Variants in TLDC2 observed in about 807,000 individuals in gnomAD.
TLDC2 encodes the protein TBC/LysM-associated domain containing 2.
A neutral mutation model predicts 27.9 loss-of-function variants in TLDC2; 23 were observed. The observed-to-expected ratio is 0.82, with a 90% CI of 0.59 to 1.17. TLDC2 has a LOEUF of 1.17. Among genes scored for constraint, TLDC2 ranks in the 50% most tolerant of loss-of-function variants. TLDC2 has a pLI of 0.00. For missense variants in TLDC2, 286 were observed against 273.4 expected (o/e 1.05, Z -0.32); for synonymous variants, 124 against 107.4 (o/e 1.16, Z -0.96).
intron 4 of TLDC2, among the ~76,000 whole-genome samples, chr20:36,882,112 C>T (rs1989828146): frequency 6.6e-6 from 1 of 152,102 alleles, no homozygotes; most frequent in Non-Finnish European, 1.5e-5. Flanking sequence ...TCAGGTGGCT[C>T]GAGCTGCCCA....
At chr20:36,887,637 G>C (rs1436776928) in intron 5 of TLDC2, 109 bp downstream of exon 5, 1 of 1,023,488 alleles carries the variant, frequency 9.8e-7, no homozygotes. Flanking sequence ...AGGCTAGTGG[G>C]GAACTCTCAG....
At chr20:36,882,691 G>C (rs1684001678) in intron 4 of TLDC2, among the ~76,000 whole-genome samples, 1 of 152,174 alleles carries the variant, frequency 6.6e-6, no homozygotes. Context: ...GGACTGCTTT[G>C]CTAAAGGCAA....
At position 36,879,051 on chromosome 20, in the gene TLDC2, A is replaced by C. The variant is rs1777437560; in HGVS notation, c.200A>C (p.His67Pro). The change falls in exon 3 of 7, where the codon CAC becomes CCC. Residue 67 changes from histidine to proline, a missense_variant. Transcript: ENST00000217320. ...SASEIRQLSF[H>P]FPPRVTGHPW... ...CAACCCTGTCCCCAGCTCAGCTTTCACTTCCCACCAAGAGTCACCGGCCAT... is the reference window on the plus strand; with the variant it reads ...CAACCCTGTCCCCAGCTCAGCTTTCCCTTCCCACCAAGAGTCACCGGCCAT... 1 of 1,613,982 alleles carries C rather than the reference A, an allele frequency of 6.2e-7. No homozygotes were observed. The highest frequency in any genetic ancestry group is 1.3e-5 in the African/African-American group (1 of 74,980).
intron 4 of TLDC2, among the ~76,000 whole-genome samples, chr20:36,886,689 C>A (rs1989929327): frequency 1.3e-5 from 2 of 152,054 alleles, no homozygotes; most frequent in East Asian, 1.9e-4. Flanking sequence ...AAACTCCTGG[C>A]CTCAAGTGAT....
chr20:36,885,535 G>A (rs1989904096), intron 4 of TLDC2, among the ~76,000 whole-genome samples: 1 of 152,114 alleles, frequency 6.6e-6, no homozygotes, highest in Non-Finnish European at 1.5e-5. Flanking sequence ...ACTCCTTCAG[G>A]TCAAAGGTCA....
chr20:36,883,463 G>A (rs1224322624), intron 4 of TLDC2, among the ~76,000 whole-genome samples: 3 of 152,000 alleles, frequency 2.0e-5, no homozygotes, highest in Admixed American at 6.6e-5. Context: ...AGCTTACCAT[G>A]TCCCAAACGG....
chr20:36,888,235 C>A (rs563441041), intron 5 of TLDC2, among the ~76,000 whole-genome samples: 8 of 151,824 alleles, frequency 5.3e-5, no homozygotes, highest in Non-Finnish European at 1.0e-4. Context: ...AAAGAATTGC[C>A]ATTTTGTTTT....
intron 5 of TLDC2, 73 bp downstream of exon 5, chr20:36,887,601 GC>G (rs1014461158): frequency 7.7e-6 from 11 of 1,435,336 alleles, no homozygotes; most frequent in Non-Finnish European, 1.1e-5. Context: ...GAACTGCTGG[GC>G]TAGGCTGCCC....
At chr20:36,889,599 C>A in intron 6 of TLDC2, 196 bp downstream of exon 6, 1 of 544,478 alleles carries the variant, frequency 1.8e-6, no homozygotes, top group South Asian at 2.8e-5. Context: ...TTAAAAGACG[C>A]TTACACCTTA....
chr20:36,889,883 A>G (rs1990018237), intron 6 of TLDC2: 1 of 152,338 alleles, frequency 6.6e-6, no homozygotes, highest in Admixed American at 6.6e-5. Context: ...ATTTTCATGT[A>G]TATCCTTCCA....
Position 36,879,060 on chromosome 20 carries a change from C to A in TLDC2, c.209C>A (p.Pro70Gln), listed in dbSNP as rs771349931. Residue 70 changes from proline (P) to glutamine (Q), a missense_variant, in exon 3 of 7, where the codon CCA becomes CAA. Physicochemically the swap from Pro to Gln is moderately conservative, Grantham distance 76 (BLOSUM62 -1). Coordinates refer to ENST00000217320, the MANE Select transcript of TLDC2 (RefSeq NM_080628.3). The part of the protein sequence containing the change: ...EIRQLSFHFP[P>Q]RVTGHPWSLV... ...CCCCAGCTCAGCTTTCACTTCCCAC[C>A]AAGAGTCACCGGCCATCCCTGGAGT... The A allele has an allele frequency of 1.2e-6, 2 of 1,614,234 alleles. No individual in the cohort carries two copies. The highest frequency in any genetic ancestry group is 1.7e-6 in the Non-Finnish European group (2 of 1,180,034).
intron 2 of TLDC2, 115 bp downstream of exon 2, chr20:36,878,169 T>A (rs1989718301): frequency 8.4e-7 from 1 of 1,185,832 alleles, no homozygotes; most frequent in Admixed American, 3.0e-5. Flanking sequence ...TCTGTTCTCA[T>A]CATGCGTTAC....
rs1568746753 is a variant in TLDC2, at chr20:36,877,949, A to G, written c.84A>G (p.Glu28=). Residue 28 remains glutamate (E), a synonymous_variant, in exon 2 of 7, where the codon GAA becomes GAG. Coordinates refer to ENST00000217320, the MANE Select transcript of TLDC2 (RefSeq NM_080628.3). ...CTGGGGAGGAGGGTAACGAAGAGGAAGAGGAGGAGGAGGCAGCTCCAGACC... is the reference window on the plus strand; with the variant it reads ...CTGGGGAGGAGGGTAACGAAGAGGAGGAGGAGGAGGAGGCAGCTCCAGACC... ...TLSGEEGNEE[E]EEEEAAPDPA... 3 of 1,613,996 alleles carry G rather than the reference A, an allele frequency of 1.9e-6. No homozygotes were observed. The highest frequency in any genetic ancestry group is 1.1e-5 in the South Asian group (1 of 91,068).
chr20:36,887,541 G>C lies in TLDC2; in HGVS notation c.512+13G>C, dbSNP rs1989949678. 1.9e-6 allele frequency: 3 copies of C among 1,611,576 alleles called. No homozygotes were observed. The African/African-American group carries it at 4.0e-5, about 22-fold the overall frequency. On this transcript the variant is annotated intron_variant, in intron 5 of 6. Transcript: ENST00000217320. ...TGGGCAGTGGCAGGTGAGTGTCTCA[G>C]TCTTCCCGAGTCTTGGGGCGGTCTG...
chr20:36,878,346 G>A (rs571817216), intron 2 of TLDC2, among the ~76,000 whole-genome samples: 11 of 152,194 alleles, frequency 7.2e-5, no homozygotes, highest in South Asian at 2.1e-4. Context: ...TTTGGGAGGC[G>A]AAGGCAGGGG....
intron 3 of TLDC2, among the ~76,000 whole-genome samples, chr20:36,880,073 A>ATATATATATATATG (rs1402503856): frequency 0.017 from 683 of 40,530 alleles, 19 homozygotes; most frequent in African/African-American, 0.039. Flanking sequence ...ATATATACAT[A>ATATATATATATATG]TATATATATA....
intron 4 of TLDC2, among the ~76,000 whole-genome samples, chr20:36,884,422 T>A (rs1040679937): frequency 5.3e-5 from 8 of 152,116 alleles, no homozygotes. Context: ...TGTTCTGATG[T>A]CACCATCTCA....
chr20:36,882,057 T>C lies in TLDC2; in HGVS notation c.438+1307T>C, dbSNP rs892240931. Among the ~76,000 whole-genome samples, 4 of 152,282 alleles carry C rather than the reference T, an allele frequency of 2.6e-5. No homozygotes were observed. The South Asian group carries it at 6.2e-4, about 24-fold the overall frequency. ...GGTGAGTCAGAGCTCAGGTTTCTAA[T>C]TAATGATGAGTGGGAGAGTGACAGG... On this transcript the variant is annotated intron_variant, in intron 4 of 6. Transcript: ENST00000217320.
In TLDC2 at chr20:36,889,384, T is replaced by A. The variant is rs548680019; in HGVS notation, c.646T>A (p.Ter216ArgextTer9). 1.2e-6 allele frequency: 2 copies of A among 1,613,634 alleles called. No homozygotes were observed. The highest frequency in any genetic ancestry group is 1.7e-6 in the Non-Finnish European group (2 of 1,179,966). Residue 216 changes from the stop codon to arginine, a stop_lost, in exon 6 of 7, where the codon TGA becomes AGA. Coordinates refer to ENST00000217320, the MANE Select transcript of TLDC2 (RefSeq NM_080628.3). The stretch of plus-strand genomic sequence containing the variant: ...GGAGCTGGAGGCTTGGCTTCTCAGC[T>A]GACAGCCCTGCGGCAACAGGTACTC... ...IQELEAWLLS[*>R]
Sources: allele counts gnomAD v4.1 joint callset (sites outside exome capture counted in the v4.1 genomes callset), GRCh38; gene constraint gnomAD v4.1.1; transcripts MANE v1.5; gene names NCBI Gene and HGNC (gene_info 2026-07-23, HGNC 2026-07-21).